The following SHQ1 variants were observed in gnomAD, a reference collection of about 807,000 sequenced individuals.
SHQ1 encodes SHQ1, H/ACA ribonucleoprotein assembly factor.
In SHQ1, 49 loss-of-function variants were observed where a neutral mutation model predicts 53.8. The observed-to-expected ratio is 0.91, with a 90% CI of 0.72 to 1.16. The LOEUF is 1.16. SHQ1 is among the 50% of genes most tolerant of loss of function. SHQ1 has a pLI of 0.00. For synonymous variants in SHQ1, 243 were observed against 251.0 expected (o/e 0.97, Z 0.30); for missense variants, 738 against 683.1 (o/e 1.08, Z -0.90).
At chr3:72,842,214 T>C (rs1708195390) in intron 3 of SHQ1, 66 bp downstream of exon 3, 6 of 1,563,980 alleles carry the variant, frequency 3.8e-6, no homozygotes, top group Non-Finnish European at 5.2e-6. Flanking sequence ...CCATTTCCCC[T>C]ACAAATACAC....
chr3:72,775,043 A>G (rs567500064), intron 10 of SHQ1, among the ~76,000 whole-genome samples: 25 of 152,294 alleles, frequency 1.6e-4, no homozygotes, highest in African/African-American at 5.3e-4. Context: ...TGAACCAGGG[A>G]AGCAGAGGTT....
At chr3:72,773,282 A>G (rs1483258826) in intron 10 of SHQ1, 1 of 641,662 alleles carries the variant, frequency 1.6e-6, no homozygotes, top group East Asian at 3.2e-5. Flanking sequence ...GAAAGGGACA[A>G]GAAAGATAAA....
chr3:72,825,361 T>TACACACACACACACACACACAC (rs61048915), intron 5 of SHQ1, among the ~76,000 whole-genome samples: 15 of 141,966 alleles, frequency 1.1e-4, no homozygotes, highest in African/African-American at 3.9e-4. Context: ...TAAAAGGGGC[T>TACACACACACACACACACACAC]ACACACACAC....
chr3:72,822,326 C>A (rs950529094), intron 6 of SHQ1, among the ~76,000 whole-genome samples: 1 of 152,080 alleles, frequency 6.6e-6, no homozygotes, highest in Non-Finnish European at 1.5e-5. Flanking sequence ...TATGACTGTT[C>A]CTGATGCACC....
chr3:72,746,765 A>G (rs751895549), downstream of SHQ1, among the ~76,000 whole-genome samples: 1 of 152,224 alleles, frequency 6.6e-6, no homozygotes, highest in Non-Finnish European at 1.5e-5. Flanking sequence ...TGATGGAAGG[A>G]AGAAAACTTC....
At chr3:72,800,620 T>C (rs927033089) in intron 9 of SHQ1, among the ~76,000 whole-genome samples, 1 of 152,216 alleles carries the variant, frequency 6.6e-6, no homozygotes, top group Admixed American at 6.5e-5. Flanking sequence ...CCTAGAACAA[T>C]GTCCAGCAAA....
chr3:72,848,143 T>G (rs893967149), intron 1 of SHQ1, 55 bp downstream of exon 1: 64 of 1,607,678 alleles, frequency 4.0e-5, no homozygotes, highest in Non-Finnish European at 5.1e-5. Flanking sequence ...ATTCTCCCTC[T>G]AAAGCAGCTA....
Position 72,793,027 on chromosome 3 carries a change from G to T in SHQ1, c.1070C>A (p.Ala357Glu), listed in dbSNP as rs752327401. ...TIKILQLGKS[A>E]VLKCLLDIHK... is the part of the protein sequence containing the mutation. ...AATATCCAGGAGACACTTTAAAACTGCACTTTTACCTAAAGAAAATTGAAA... is the reference window on the plus strand; with the variant it reads ...AATATCCAGGAGACACTTTAAAACTTCACTTTTACCTAAAGAAAATTGAAA... Residue 357 changes from alanine to glutamate, a missense_variant, in exon 10 of 11, where the codon GCA (alanine) becomes GAA (glutamate). Ala to Glu is a moderately radical substitution (Grantham distance 107). Transcript: ENST00000325599. The T allele has an allele frequency of 2.5e-6, 4 of 1,603,858 alleles. No homozygotes were observed. The highest frequency in any genetic ancestry group is 3.4e-6 in the Non-Finnish European group (4 of 1,175,128).
chr3:72,843,377 A>C (rs866124093), intron 2 of SHQ1, among the ~76,000 whole-genome samples: 14 of 152,320 alleles, frequency 9.2e-5, no homozygotes, highest in South Asian at 8.3e-4. Flanking sequence ...ATCTATCCCT[A>C]AAGTCTATGG....
At position 72,792,023 on chromosome 3, in the gene SHQ1, T is replaced by C. The variant is rs1411890861; in HGVS notation, c.1181+893A>G. ...ACGCAATGGTAAACACTTTTAAAAA[T>C]TTTTATATACCAAGTGCTGGAGCTC... On this transcript the variant is annotated intron_variant, in intron 10 of 10. Coordinates refer to ENST00000325599, the MANE Select transcript of SHQ1 (RefSeq NM_018130.3). 2.6e-5 allele frequency among the ~76,000 whole-genome samples: 4 copies of C among 152,252 alleles called. No homozygotes were observed. In the East Asian group the frequency reaches 7.7e-4, roughly 29 times the overall value.
chr3:72,843,752 C>A (rs112501610), intron 2 of SHQ1, among the ~76,000 whole-genome samples: 3 of 152,132 alleles, frequency 2.0e-5, no homozygotes, highest in South Asian at 2.1e-4. Context: ...CCCACCCCCC[C>A]ATACCCTACC....
At chr3:72,741,855 A>T in the SHQ1 span, among the ~76,000 whole-genome samples, 14 of 152,332 alleles carry the variant, frequency 9.2e-5, no homozygotes, top group East Asian at 2.7e-3. Flanking sequence ...ATAATATAGT[A>T]TACTAACAAT....
At chr3:72,763,065 A>T (rs536015291) in intron 10 of SHQ1, among the ~76,000 whole-genome samples, 31,964 of 133,398 alleles carry the variant, frequency 0.24, 3,521 homozygotes, top group African/African-American at 0.26. Flanking sequence ...ACACACACAG[A>T]GAGAGAGAGA....
intron 10 of SHQ1, among the ~76,000 whole-genome samples, chr3:72,790,497 T>C (rs1706400023): frequency 6.6e-6 from 1 of 151,842 alleles, no homozygotes; most frequent in African/African-American, 2.4e-5. Flanking sequence ...AACATAAAAA[T>C]AAGGTGCTAG....
At chr3:72,811,440 G>C (rs1010561040) in intron 9 of SHQ1, among the ~76,000 whole-genome samples, 4 of 152,158 alleles carry the variant, frequency 2.6e-5, no homozygotes, top group Non-Finnish European at 5.9e-5. Context: ...TGGAAGGCAA[G>C]AAGAAATAAC....
At chr3:72,824,272 C>A (rs537506544) in intron 6 of SHQ1, 152 bp downstream of exon 6, 3 of 888,676 alleles carry the variant, frequency 3.4e-6, no homozygotes, top group Non-Finnish European at 4.9e-6. Flanking sequence ...CAGTCAGGGG[C>A]AAAGAAGTCA....
intron 10 of SHQ1, among the ~76,000 whole-genome samples, chr3:72,751,496 G>GTACATATATATATATATATA (rs1372925082): frequency 2.0e-4 from 23 of 117,138 alleles, no homozygotes; most frequent in Admixed American, 6.3e-4. Flanking sequence ...GTGTGTGTGT[G>GTACATATATATATATATATA]TGTGTGTGTG....
the SHQ1 span, among the ~76,000 whole-genome samples, chr3:72,729,844 G>A: frequency 1.7e-3 from 264 of 152,194 alleles, no homozygotes; most frequent in Non-Finnish European, 2.3e-3. Flanking sequence ...TTTTGAGACG[G>A]AGTCTCACTG....
chr3:72,846,368 C>G, intron 1 of SHQ1: 1 of 1,462,756 alleles, frequency 6.8e-7, no homozygotes, highest in South Asian at 1.3e-5. Flanking sequence ...AATCTTGGCT[C>G]ACTGCAACCT....
Sources: allele counts gnomAD v4.1 joint callset (sites outside exome capture counted in the v4.1 genomes callset), GRCh38; gene constraint gnomAD v4.1.1; transcripts MANE v1.5; gene names NCBI Gene and HGNC (gene_info 2026-07-23, HGNC 2026-07-21).